The following SCAF8 variants were observed in gnomAD, a reference collection of about 807,000 sequenced individuals.
The protein encoded by SCAF8 is SR-related and CTD-associated factor 8.
SCAF8 carries 23 observed loss-of-function variants against 140.5 expected under a neutral mutation model. That is an observed-to-expected ratio of 0.16 (90% CI 0.12 to 0.23). The LOEUF is 0.23. Among genes scored for constraint, SCAF8 ranks in the 10% least tolerant of loss-of-function variants. The probability of loss-of-function intolerance (pLI) is 1.00; values close to 1 mark genes in which losing one functional copy is unlikely to be tolerated. For missense variants in SCAF8, 1,397 were observed against 1,555.7 expected (o/e 0.90, Z 1.72); for synonymous variants, 575 against 528.9 (o/e 1.09, Z -1.20).
intron 5 of SCAF8, among the ~76,000 whole-genome samples, chr6:154,793,396 CTA>C (rs1338546601): frequency 1.3e-5 from 2 of 151,436 alleles, no homozygotes; most frequent in East Asian, 3.9e-4. Context: ...ATTTAAATGA[CTA>C]TGATAAAAAA....
chr6:154,755,182 T>G (rs1778934929), intron 1 of SCAF8, among the ~76,000 whole-genome samples: 1 of 152,238 alleles, frequency 6.6e-6, no homozygotes, highest in Non-Finnish European at 1.5e-5. Flanking sequence ...GCAGTCAGTT[T>G]TTAATTGGCT....
intron 15 of SCAF8, among the ~76,000 whole-genome samples, chr6:154,821,990 C>A (rs1778433773): frequency 6.6e-6 from 1 of 152,110 alleles, no homozygotes; most frequent in Non-Finnish European, 1.5e-5. Context: ...CTTACATCAG[C>A]CAGCCATTGA....
At chr6:154,790,194 T>G (rs945866454) in intron 4 of SCAF8, among the ~76,000 whole-genome samples, 3 of 152,128 alleles carry the variant, frequency 2.0e-5, no homozygotes, top group Non-Finnish European at 4.4e-5. Flanking sequence ...TGCTGGCCAG[T>G]TTTAAAGTAT....
chr6:154,736,788 T>C lies in SCAF8; in HGVS notation c.30+2858T>C, dbSNP rs567395405. ...GAGGTTTGTCTTAGTCCCATTTTAGTGTATGTAGCACTCTCCCATTTCCCC... is the reference window on the plus strand; with the variant it reads ...GAGGTTTGTCTTAGTCCCATTTTAGCGTATGTAGCACTCTCCCATTTCCCC... On this transcript the variant is annotated intron_variant, in intron 1 of 19. Transcript: ENST00000367178. 7.2e-5 allele frequency among the ~76,000 whole-genome samples: 11 copies of C among 152,296 alleles called. No individual in the cohort carries two copies. In the South Asian group the frequency reaches 2.1e-3, roughly 29 times the overall value.
rs1183671310 is a variant in SCAF8, at chr6:154,794,780, GGTGTGTGTGTGT to G, written c.476-190_476-179del. On this transcript the variant is annotated intron_variant, in intron 5 of 19. Coordinates refer to ENST00000367178, the MANE Select transcript of SCAF8 (RefSeq NM_014892.5). ...TTGGTGGGGGGGGGGGGGTGTGGGGGGTGTGTGTGTGTGTGTGTGTGTGTGTGTGTGTGTGTG... is the reference window on the plus strand; with the variant it reads ...TTGGTGGGGGGGGGGGGGTGTGGGGGGTGTGTGTGTGTGTGTGTGTGTGTG... Among the ~76,000 whole-genome samples the G allele has an allele frequency of 2.3e-3, 29 of 12,534 alleles. 1 individual carries two copies. The highest frequency in any genetic ancestry group is 6.6e-3 in the African/African-American group (15 of 2,266). The allele number at this position is 12,534 out of a possible 152,430, so 8.2% of individuals were successfully genotyped here.
chr6:154,745,014 T>G (rs1018507194), intron 1 of SCAF8, among the ~76,000 whole-genome samples: 3 of 152,196 alleles, frequency 2.0e-5, no homozygotes, highest in African/African-American at 7.2e-5. Flanking sequence ...ATCAAGAAAC[T>G]AACTTGGATA....
intron 1 of SCAF8, among the ~76,000 whole-genome samples, chr6:154,749,451 G>A (rs564441987): frequency 7.3e-4 from 111 of 152,240 alleles, no homozygotes; most frequent in Admixed American, 1.2e-3. Flanking sequence ...AGGGTAGTCC[G>A]CAACATTAGA....
intron 1 of SCAF8, among the ~76,000 whole-genome samples, chr6:154,756,178 T>G (rs1474770092): frequency 6.6e-6 from 1 of 152,244 alleles, no homozygotes; most frequent in African/African-American, 2.4e-5. Context: ...TGTACAGTAT[T>G]ATTTCTCTGT....
chr6:154,814,363 C>G (rs1323251946), intron 12 of SCAF8, among the ~76,000 whole-genome samples: 1 of 152,152 alleles, frequency 6.6e-6, no homozygotes, highest in African/African-American at 2.4e-5. Flanking sequence ...CTCCTTGAGA[C>G]TTTGGTTGAA....
chr6:154,810,610 T>C (rs1195243606), intron 12 of SCAF8, among the ~76,000 whole-genome samples: 1 of 152,228 alleles, frequency 6.6e-6, no homozygotes, highest in Non-Finnish European at 1.5e-5. Context: ...AAAGTAATTA[T>C]AATGTTAATG....
intron 1 of SCAF8, among the ~76,000 whole-genome samples, chr6:154,758,921 C>T (rs1562430755): frequency 1.3e-5 from 2 of 152,172 alleles, no homozygotes; most frequent in African/African-American, 4.8e-5. Context: ...TGGGGTTTCT[C>T]CTAGTGTTTT....
intron 17 of SCAF8, among the ~76,000 whole-genome samples, chr6:154,824,700 AG>A (rs1489963796): frequency 6.6e-6 from 1 of 152,020 alleles, no homozygotes; most frequent in Non-Finnish European, 1.5e-5. Flanking sequence ...CCCAGCACTT[AG>A]GGAGGCCAAG....
intron 1 of SCAF8, among the ~76,000 whole-genome samples, chr6:154,765,453 C>G (rs933192885): frequency 3.3e-5 from 5 of 152,172 alleles, no homozygotes; most frequent in African/African-American, 1.2e-4. Context: ...CATAAAACAG[C>G]TTAGTTAACA....
chr6:154,752,684 A>C (rs1778867103), intron 1 of SCAF8, among the ~76,000 whole-genome samples: 1 of 152,234 alleles, frequency 6.6e-6, no homozygotes, highest in African/African-American at 2.4e-5. Context: ...TAGTTGAACA[A>C]ACAGCAGACA....
chr6:154,774,180 G>T, intron 2 of SCAF8, 108 bp downstream of exon 2: 1 of 754,782 alleles, frequency 1.3e-6, no homozygotes, highest in Non-Finnish European at 2.2e-6. Flanking sequence ...ACTTTACAGT[G>T]TTAACACATA....
intron 14 of SCAF8, 44 bp from the exon 15 acceptor site, chr6:154,820,133 A>G (rs767010776): frequency 1.0e-5 from 15 of 1,436,152 alleles, no homozygotes; most frequent in Middle Eastern, 1.9e-4. Context: ...TTTTTATAGT[A>G]TGTATGTATA....
chr6:154,804,831 A>G (rs1039261952), intron 8 of SCAF8, among the ~76,000 whole-genome samples: 1 of 152,142 alleles, frequency 6.6e-6, no homozygotes, highest in African/African-American at 2.4e-5. Context: ...TTCCAAGAAT[A>G]TAGTTAAACT....
intron 3 of SCAF8, among the ~76,000 whole-genome samples, chr6:154,782,818 T>G (rs923068148): frequency 6.6e-6 from 1 of 152,076 alleles, no homozygotes; most frequent in Admixed American, 6.5e-5. Flanking sequence ...CGTTTTCATA[T>G]TTTTCTACCT....
At chr6:154,815,615 A>C in intron 12 of SCAF8, 101 bp from the exon 13 acceptor site, 1 of 473,388 alleles carries the variant, frequency 2.1e-6, no homozygotes, top group Non-Finnish European at 3.9e-6. Context: ...TATTATCTTA[A>C]ATTTAATTAT....
Sources: allele counts gnomAD v4.1 joint callset (sites outside exome capture counted in the v4.1 genomes callset), GRCh38; gene constraint gnomAD v4.1.1; transcripts MANE v1.5; gene names NCBI Gene and HGNC (gene_info 2026-07-23, HGNC 2026-07-21).